The following IL20RA variants were observed in gnomAD, a reference collection of about 807,000 sequenced individuals.
IL20RA encodes interleukin-20 receptor subunit alpha.
IL20RA carries 29 observed loss-of-function variants against 36.5 expected under a neutral mutation model. The observed-to-expected ratio is 0.79, with a 90% CI of 0.59 to 1.08. The LOEUF is 1.08. Among genes scored for constraint, IL20RA ranks in the 50% least tolerant of loss-of-function variants. The pLI is 0.00. For synonymous variants in IL20RA, 279 were observed against 267.1 expected, an observed-to-expected ratio of 1.04 and a Z score of -0.43; for missense variants, 652 against 668.4, an observed-to-expected ratio of 0.98 and a Z score of 0.27.
chr6:137,007,649 C>T (rs940419973), intron 5 of IL20RA, among the ~76,000 whole-genome samples: 1 of 152,184 alleles, frequency 6.6e-6, no homozygotes, highest in African/African-American at 2.4e-5. Flanking sequence ...AACTCTATGT[C>T]TTCTCATAGG....
At chr6:137,044,371 C>A in intron 1 of IL20RA, 1 of 1,066,804 alleles carries the variant, frequency 9.4e-7, no homozygotes. Flanking sequence ...TCCCCCCACC[C>A]CACCTCAATT....
rs1026442841 is a variant in IL20RA, at chr6:137,011,250, C to T, written c.403+24G>A. On this transcript the variant is annotated intron_variant, in intron 3 of 6. Coordinates refer to ENST00000316649, the MANE Select transcript of IL20RA (RefSeq NM_014432.4). ...TGATATGAATACATGTTTAACTGAC[C>T]ATTGCAATAATGGCATTACTTACTT... is the stretch of plus-strand genomic sequence containing the variant. 4 of 1,574,216 alleles carry T rather than the reference C, an allele frequency of 2.5e-6. No homozygotes were observed. In the African/African-American group the frequency reaches 4.1e-5, roughly 16 times the overall value.
At position 137,008,653 on chromosome 6, in the gene IL20RA, C is replaced by T; in HGVS notation, c.670G>A (p.Gly224Arg). ...GAAGGCTGAGCACGGCGAGGGGGCC[C>T]TGGGACGAAGGACTCCACGTGTACG... ...YCVHVESFVP[G>R]PPRRAQPSEK... Residue 224 changes from glycine to arginine, a missense_variant, in exon 5 of 7, where the codon GGG becomes AGG. Coordinates refer to ENST00000316649, the MANE Select transcript of IL20RA (RefSeq NM_014432.4). 6.2e-7 allele frequency: 1 copy of T among 1,608,356 alleles called. No individual in the cohort carries two copies. The highest frequency in any genetic ancestry group is 1.7e-5 in the Admixed American group (1 of 59,346).
rs568631438 is a variant in IL20RA, at chr6:137,038,544, AG to A, written c.88+6096del. On this transcript the variant is annotated intron_variant, in intron 1 of 6. Transcript: ENST00000316649. ...ATTGATAGACCTTGGAATTGATTAA[AG>A]TGATTTAATTCATGTTTCTCATATC... Among the ~76,000 whole-genome samples the A allele has an allele frequency of 3.0e-4, 45 of 152,230 alleles. No individual in the cohort carries two copies. In the East Asian group the frequency reaches 8.1e-3, roughly 27 times the overall value.
chr6:137,002,380 T>C (rs777974991), intron 6 of IL20RA, 25 bp from the exon 7 acceptor site: 42 of 1,458,524 alleles, frequency 2.9e-5, no homozygotes, highest in Non-Finnish European at 3.9e-5. Context: ...GAGAATGATT[T>C]TCACCTTTTC....
At chr6:137,044,543 C>G (rs577564809) in intron 1 of IL20RA, 98 bp downstream of exon 1, 17,240 of 1,150,066 alleles carry the variant, frequency 0.015, 168 homozygotes, top group Non-Finnish European at 0.018. Context: ...GAAACCTGGC[C>G]GGCGGGCAGG....
At chr6:137,032,699 C>T (rs1776339685) in intron 1 of IL20RA, among the ~76,000 whole-genome samples, 1 of 152,198 alleles carries the variant, frequency 6.6e-6, no homozygotes, top group African/African-American at 2.4e-5. Context: ...ATGATCTCAA[C>T]TGGAATCTCA....
At position 137,004,159 on chromosome 6, in the gene IL20RA, C is replaced by CGTTTTTTTTT. The variant is rs531501235; in HGVS notation, c.864+461_864+462insAAAAAAAAAC. ...TCTGTTAGTCAGCTAATCCAGAAAGCTTTTTTTTTTTTTTTTTTTTTTTTT... is the reference window on the plus strand; with the variant it reads ...TCTGTTAGTCAGCTAATCCAGAAAGCGTTTTTTTTTTTTTTTTTTTTTTTTTTTTTTTTTT... On this transcript the variant is annotated intron_variant, in intron 6 of 6. Transcript: ENST00000316649. Among the ~76,000 whole-genome samples the CGTTTTTTTTT allele has an allele frequency of 2.0e-4, 18 of 88,006 alleles. 7 individuals are homozygous for CGTTTTTTTTT. Among genetic ancestry groups the CGTTTTTTTTT allele is most frequent in the Non-Finnish European group, 2.4e-4 (12 of 49,108 alleles). 57.7% of individuals were successfully genotyped at this position (88,006 alleles called of 152,430 possible).
chr6:137,007,551 T>C (rs1359902270), intron 5 of IL20RA, among the ~76,000 whole-genome samples: 1 of 152,168 alleles, frequency 6.6e-6, no homozygotes, highest in Non-Finnish European at 1.5e-5. Flanking sequence ...AGGCAAACTT[T>C]AGGATGTATT....
intron 1 of IL20RA, among the ~76,000 whole-genome samples, chr6:137,023,343 G>A (rs1229298452): frequency 6.6e-6 from 1 of 151,818 alleles, no homozygotes; most frequent in East Asian, 2.0e-4. Flanking sequence ...AGCTGACAAA[G>A]AGGACAGTGG....
chr6:137,008,959 A>G (rs1775374284), intron 4 of IL20RA: 3 of 496,404 alleles, frequency 6.0e-6, no homozygotes, highest in Non-Finnish European at 7.0e-6. Context: ...AATGCTGAGA[A>G]CAATTCTAAA....
intron 2 of IL20RA, among the ~76,000 whole-genome samples, chr6:137,013,553 T>C (rs1162381914): frequency 3.3e-5 from 5 of 152,206 alleles, no homozygotes; most frequent in African/African-American, 1.2e-4. Flanking sequence ...GATTAAGGGA[T>C]CCACTCAAAT....
chr6:137,019,751 A>C (rs1217549198), intron 1 of IL20RA, among the ~76,000 whole-genome samples: 1 of 152,234 alleles, frequency 6.6e-6, no homozygotes, highest in East Asian at 1.9e-4. Context: ...AATGATATTA[A>C]ACCAACAGAA....
chr6:137,009,236 A>G (rs1039436034), intron 4 of IL20RA, 81 bp downstream of exon 4: 1 of 1,097,594 alleles, frequency 9.1e-7, no homozygotes, highest in Non-Finnish European at 1.4e-6. Context: ...CATGCAGAGA[A>G]TCAATGCATC....
intron 6 of IL20RA, among the ~76,000 whole-genome samples, chr6:137,004,381 G>T (rs1408829006): frequency 6.6e-6 from 1 of 151,908 alleles, no homozygotes; most frequent in Non-Finnish European, 1.5e-5. Flanking sequence ...TCACACTGTT[G>T]GCCAGGCTGG....
intron 5 of IL20RA, among the ~76,000 whole-genome samples, chr6:137,005,854 G>A (rs1406166295): frequency 6.6e-6 from 1 of 152,142 alleles, no homozygotes; most frequent in African/African-American, 2.4e-5. Flanking sequence ...CAACTCTTCC[G>A]TGGGTCTCCA....
intron 2 of IL20RA, among the ~76,000 whole-genome samples, chr6:137,015,311 T>C (rs539035185): frequency 2.4e-4 from 36 of 152,300 alleles, no homozygotes; most frequent in African/African-American, 8.7e-4. Context: ...TCCTAAGCTC[T>C]GCACACTTCC....
Position 137,001,868 on chromosome 6 carries a change from G to C in IL20RA, c.1352C>G (p.Thr451Ser), listed in dbSNP as rs202028481. 1 of 1,613,736 alleles carries C rather than the reference G, an allele frequency of 6.2e-7. No individual in the cohort carries two copies. The highest frequency in any genetic ancestry group is 8.5e-7 in the Non-Finnish European group (1 of 1,179,804). ...GGGGTCTAAGTCTTGGAGCTGAGGG[G>C]TGTATGAGTACTGTAACGTTTGCGG... is the stretch of plus-strand genomic sequence containing the variant. ...LGPQTLQYSY[T>S]PQLQDLDPLA... Residue 451 changes from threonine to serine, a missense_variant, in exon 7 of 7, where the codon ACC (threonine) becomes AGC (serine). Thr to Ser is a moderately conservative substitution (Grantham distance 58). Coordinates refer to ENST00000316649, the MANE Select transcript of IL20RA (RefSeq NM_014432.4).
At chr6:137,026,182 T>A (rs1247186745) in intron 1 of IL20RA, among the ~76,000 whole-genome samples, 1 of 152,248 alleles carries the variant, frequency 6.6e-6, no homozygotes, top group Non-Finnish European at 1.5e-5. Flanking sequence ...CCAGATGTCC[T>A]ACCCCCTTTA....
Sources: allele counts gnomAD v4.1 joint callset (sites outside exome capture counted in the v4.1 genomes callset), GRCh38; gene constraint gnomAD v4.1.1; transcripts MANE v1.5; gene names NCBI Gene and HGNC (gene_info 2026-07-23, HGNC 2026-07-21).